Variants in CHCHD4 observed in about 807,000 individuals in gnomAD.
The protein encoded by CHCHD4 is coiled-coil-helix-coiled-coil-helix domain containing 4.
Under a neutral mutation model 12.4 loss-of-function variants are expected in CHCHD4, and 7 were observed. The observed-to-expected ratio is 0.57, with a 90% CI of 0.32 to 1.06. The LOEUF (loss-of-function observed/expected upper bound fraction) is 1.06. Ranked by LOEUF, CHCHD4 falls within the 50% of genes least tolerant of loss-of-function variation. The probability of loss-of-function intolerance (pLI) is 0.04; values close to 1 mark genes in which losing one functional copy is unlikely to be tolerated. For missense variants in CHCHD4, 143 were observed against 175.1 expected, an observed-to-expected ratio of 0.82 and a Z score of 1.03; for synonymous variants, 56 against 58.0, an observed-to-expected ratio of 0.97 and a Z score of 0.16.
chr3:14,124,839 A>C lies in CHCHD4; in HGVS notation c.-163T>G. 1 of 822,734 alleles carries C rather than the reference A, an allele frequency of 1.2e-6. No homozygotes were observed. The highest frequency in any genetic ancestry group is 1.9e-6 in the Non-Finnish European group (1 of 539,036). The allele number at this position is 822,734 out of a possible 1,614,324, so 51.0% of individuals were successfully genotyped here. On this transcript the variant is annotated 5_prime_UTR_variant, in exon 1 of 3. Coordinates refer to ENST00000396914, the MANE Select transcript of CHCHD4 (RefSeq NM_001098502.2). ...CGCGCGCCTGCCTCGGCGCCCTCGCAACCGCGGCCAGGCCAACCTCAGCCG... is the reference window on the plus strand; with the variant it reads ...CGCGCGCCTGCCTCGGCGCCCTCGCCACCGCGGCCAGGCCAACCTCAGCCG...
At position 14,117,998 on chromosome 3, in the gene CHCHD4, G is replaced by A. The variant is rs148268871; in HGVS notation, c.23-1474C>T. On this transcript the variant is annotated intron_variant, in intron 1 of 2. Transcript: ENST00000396914. ...ATACAATAAATTCTGACCCAACCTCGGCCCCAAAAAGCTTAGAACCAAGTG... is the reference window on the plus strand; with the variant it reads ...ATACAATAAATTCTGACCCAACCTCAGCCCCAAAAAGCTTAGAACCAAGTG... Among the ~76,000 whole-genome samples the A allele has an allele frequency of 3.7e-3, 560 of 152,222 alleles. 2 individuals are homozygous for A. The highest frequency in any genetic ancestry group is 6.0e-3 in the Non-Finnish European group (406 of 68,008).
chr3:14,124,804 G>A lies in CHCHD4; in HGVS notation c.-128C>T. ...CCCGCGCGGACCCGCCCCCTCCCAG[G>A]CCTGCCCGCCGCGCGCCTGCCTCGG... On this transcript the variant is annotated 5_prime_UTR_variant, in exon 1 of 3. Transcript: ENST00000396914. 3 of 1,142,498 alleles carry A rather than the reference G, an allele frequency of 2.6e-6. No homozygotes were observed. The highest frequency in any genetic ancestry group is 3.6e-6 in the Non-Finnish European group (3 of 828,906). The allele number at this position is 1,142,498 out of a possible 1,614,324, so 70.8% of individuals were successfully genotyped here.
chr3:14,121,966 C>T (rs138339449), intron 1 of CHCHD4: 50 of 1,614,032 alleles, frequency 3.1e-5, no homozygotes, highest in Admixed American at 2.8e-4. Flanking sequence ...CAGATGAATA[C>T]GACACAGGCA....
chr3:14,116,320 C>A (rs988487208), intron 2 of CHCHD4, 106 bp downstream of exon 2: 7 of 805,946 alleles, frequency 8.7e-6, no homozygotes, highest in Non-Finnish European at 2.2e-6. Context: ...AGAATAGATA[C>A]CTGAAAACTT....
At chr3:14,122,045 G>A (rs1229068132) in intron 1 of CHCHD4, 2 of 1,609,972 alleles carry the variant, frequency 1.2e-6, no homozygotes, top group South Asian at 1.1e-5. Context: ...GGGAGGGAAG[G>A]AGGGGAATAG....
rs1694833196 is a variant in CHCHD4, at chr3:14,112,648, T to G, written c.*239A>C. On this transcript the variant is annotated 3_prime_UTR_variant, in exon 3 of 3. Coordinates refer to ENST00000396914, the MANE Select transcript of CHCHD4 (RefSeq NM_001098502.2). ...AAAAGTGGCAAAATTCAGGGCAATC[T>G]GAGAATTCAAAAGTGGCGGCCACAG... The G allele has an allele frequency of 2.3e-6, 1 of 433,982 alleles. No homozygotes were observed. The allele number at this position is 433,982 out of a possible 1,614,324, so 26.9% of individuals were successfully genotyped here. A position where few individuals can be genotyped will look rare whatever the true frequency, so the allele number is the denominator to read the frequency against.
chr3:14,117,596 A>C (rs1694889137), intron 1 of CHCHD4, among the ~76,000 whole-genome samples: 1 of 152,128 alleles, frequency 6.6e-6, no homozygotes, highest in Non-Finnish European at 1.5e-5. Flanking sequence ...AGATATTCCC[A>C]TTGTGGGCAA....
chr3:14,124,616 C>T, intron 1 of CHCHD4, 39 bp downstream of exon 1: 1 of 1,481,142 alleles, frequency 6.8e-7, no homozygotes, highest in Non-Finnish European at 9.0e-7. Flanking sequence ...TCCCGCAGGC[C>T]CTCGTAGGCC....
chr3:14,119,152 T>C (rs1396573261), intron 1 of CHCHD4: 1 of 152,320 alleles, frequency 6.6e-6, no homozygotes, highest in Non-Finnish European at 1.5e-5. Flanking sequence ...CACATGTGCC[T>C]TCCTGGACAT....
chr3:14,122,631 G>A (rs541885609), intron 1 of CHCHD4, among the ~76,000 whole-genome samples: 1 of 152,204 alleles, frequency 6.6e-6, no homozygotes, highest in African/African-American at 2.4e-5. Context: ...GCAGGTAAAT[G>A]CATGATTCAA....
chr3:14,118,964 G>T (rs903282332), intron 1 of CHCHD4, among the ~76,000 whole-genome samples: 8 of 152,200 alleles, frequency 5.3e-5, no homozygotes, highest in Non-Finnish European at 1.2e-4. Flanking sequence ...GGCCCTCCTG[G>T]GGTTTGCCAT....
At chr3:14,120,170 G>A (rs181689979) in intron 1 of CHCHD4, among the ~76,000 whole-genome samples, 98 of 152,092 alleles carry the variant, frequency 6.4e-4, no homozygotes, top group Non-Finnish European at 1.2e-3. Flanking sequence ...AGGACTTCAG[G>A]GTGGGGCTGA....
Position 14,112,925 on chromosome 3 carries a change from C to T in CHCHD4, c.391G>A (p.Glu131Lys). Residue 131 changes from glutamate to lysine, a missense_variant, in exon 3 of 3, where the codon GAG (glutamate) becomes AAG (lysine). Glu to Lys is a moderately conservative substitution (Grantham distance 56). Transcript: ENST00000396914. ...AEQAEETAPI[E>K]ATATKEEEGS... ...TCCTCTTCTTTGGTTGCAGTGGCCTCAATGGGAGCTGTTTCTTCTGCTTGT... is the reference window on the plus strand; with the variant it reads ...TCCTCTTCTTTGGTTGCAGTGGCCTTAATGGGAGCTGTTTCTTCTGCTTGT... 2 of 1,613,070 alleles carry T rather than the reference C, an allele frequency of 1.2e-6. No individual in the cohort carries two copies. Among genetic ancestry groups the T allele is most frequent in the Non-Finnish European group, 1.7e-6 (2 of 1,179,596 alleles).
chr3:14,118,199 T>C (rs1030323469), intron 1 of CHCHD4, among the ~76,000 whole-genome samples: 2 of 152,336 alleles, frequency 1.3e-5, no homozygotes, highest in South Asian at 2.1e-4. Flanking sequence ...TCTTCAGGTA[T>C]GGCCAAAAGT....
intron 1 of CHCHD4, among the ~76,000 whole-genome samples, chr3:14,117,779 G>T (rs1482422492): frequency 6.6e-6 from 1 of 152,166 alleles, no homozygotes; most frequent in Non-Finnish European, 1.5e-5. Flanking sequence ...ATGGTGGTGA[G>T]CCTGAGGCTG....
chr3:14,119,946 A>G (rs1694914739), intron 1 of CHCHD4, among the ~76,000 whole-genome samples: 1 of 152,228 alleles, frequency 6.6e-6, no homozygotes, highest in Admixed American at 6.5e-5. Context: ...CATCAAGGAT[A>G]GCATGGCCAG....
intron 1 of CHCHD4, among the ~76,000 whole-genome samples, chr3:14,123,589 T>C (rs984609284): frequency 1.3e-5 from 2 of 152,182 alleles, no homozygotes; most frequent in South Asian, 4.1e-4. Flanking sequence ...TTCAGATTGC[T>C]TGAATTAACT....
Position 14,124,794 on chromosome 3 carries a change from C to T in CHCHD4, c.-118G>A. The T allele has an allele frequency of 8.1e-7, 1 of 1,230,862 alleles. No individual in the cohort carries two copies. The allele number at this position is 1,230,862 out of a possible 1,614,324, so 76.2% of individuals were successfully genotyped here. On this transcript the variant is annotated 5_prime_UTR_variant, in exon 1 of 3. Transcript: ENST00000396914. The stretch of plus-strand genomic sequence containing the variant: ...TCCTCCGAAGCCCGCGCGGACCCGC[C>T]CCCTCCCAGGCCTGCCCGCCGCGCG...
chr3:14,118,167 G>A (rs1694895874), intron 1 of CHCHD4, among the ~76,000 whole-genome samples: 1 of 152,334 alleles, frequency 6.6e-6, no homozygotes, highest in East Asian at 1.9e-4. Context: ...GGGATAGGAG[G>A]TGCCAAGCAT....
Sources: allele counts gnomAD v4.1 joint callset (sites outside exome capture counted in the v4.1 genomes callset), GRCh38; gene constraint gnomAD v4.1.1; transcripts MANE v1.5; gene names NCBI Gene and HGNC (gene_info 2026-07-23, HGNC 2026-07-21).